Variants in FBXW7 observed in about 807,000 individuals in gnomAD.
FBXW7 encodes F-box and WD repeat domain containing 7.
In FBXW7, 11 loss-of-function variants were observed where a neutral mutation model predicts 86.3. The ratio of observed to expected loss-of-function variants is 0.13; its 90% CI spans 0.08 to 0.21. FBXW7 has a LOEUF of 0.21. FBXW7 is among the 10% of genes least tolerant of loss of function. The pLI, the probability that FBXW7 is intolerant of heterozygous loss-of-function variation, is 1.00. For missense variants in FBXW7, 488 were observed against 847.4 expected (o/e 0.58, Z 5.27); for synonymous variants, 313 against 297.9 (o/e 1.05, Z -0.52).
intron 4 of FBXW7, among the ~76,000 whole-genome samples, chr4:152,401,196 C>T (rs1056561277): frequency 7.9e-5 from 12 of 152,300 alleles, no homozygotes; most frequent in African/African-American, 2.6e-4. Context: ...TTGGCATTTA[C>T]GCAAAGGAGT....
chr4:152,376,498 T>G (rs555063754), intron 4 of FBXW7, among the ~76,000 whole-genome samples: 1 of 152,246 alleles, frequency 6.6e-6, no homozygotes, highest in South Asian at 2.1e-4. Context: ...TATAATAGAT[T>G]AAAATTATAC....
At chr4:152,342,832 C>T (rs148490841) in intron 6 of FBXW7, among the ~76,000 whole-genome samples, 4 of 152,202 alleles carry the variant, frequency 2.6e-5, no homozygotes, top group Non-Finnish European at 5.9e-5. Context: ...ATACAAAAGT[C>T]GTTAAAATGT....
At chr4:152,361,266 G>GC (rs1406735942) in intron 4 of FBXW7, among the ~76,000 whole-genome samples, 1 of 151,754 alleles carries the variant, frequency 6.6e-6, no homozygotes. Flanking sequence ...TAGTAATCAG[G>GC]CCCCCACTAC....
chr4:152,367,962 T>A (rs1325831023), intron 4 of FBXW7, among the ~76,000 whole-genome samples: 2 of 151,920 alleles, frequency 1.3e-5, no homozygotes, highest in Non-Finnish European at 2.9e-5. Flanking sequence ...GGAGGTATGG[T>A]TTGCCATTTA....
rs746293581 is a variant in FBXW7, at chr4:152,324,443, T to C, written c.1645-49A>G. On this transcript the variant is annotated intron_variant, in intron 12 of 13. Transcript: ENST00000281708. ...AATAGAAGTATGGATACTCTTCCTATCAATTACTGACCTTAATCCTAGTAG... is the reference window on the plus strand; with the variant it reads ...AATAGAAGTATGGATACTCTTCCTACCAATTACTGACCTTAATCCTAGTAG... 8 of 1,425,468 alleles carry C rather than the reference T, an allele frequency of 5.6e-6. No homozygotes were observed. The African/African-American group carries it at 1.1e-4, about 20-fold the overall frequency. The allele number at this position is 1,425,468 out of a possible 1,614,324, so 88.3% of individuals were successfully genotyped here.
Position 152,482,410 on chromosome 4 carries a change from A to C in FBXW7, c.-120+52531T>G, listed in dbSNP as rs57953817. ...GTTTTATTGTGATGGTCTGGAACCGAATCCACAACATCTCCAAGATATGCC... is the reference window on the plus strand; with the variant it reads ...GTTTTATTGTGATGGTCTGGAACCGCATCCACAACATCTCCAAGATATGCC... On this transcript the variant is annotated intron_variant, in intron 2 of 13. Coordinates refer to ENST00000281708, the MANE Select transcript of FBXW7 (RefSeq NM_001349798.2). 8.9e-3 allele frequency among the ~76,000 whole-genome samples: 1,360 copies of C among 152,300 alleles called. 17 individuals are homozygous for C. Among genetic ancestry groups the C allele is most frequent in the East Asian group, 0.043 (221 of 5,196 alleles).
At chr4:152,382,102 C>T (rs1735129128) in intron 4 of FBXW7, 1 of 884,516 alleles carries the variant, frequency 1.1e-6, no homozygotes, top group Admixed American at 2.8e-5. Flanking sequence ...TAAATAAAAA[C>T]TGAAATTTGA....
chr4:152,445,166 A>G (rs373298114), intron 2 of FBXW7, among the ~76,000 whole-genome samples: 8 of 152,322 alleles, frequency 5.3e-5, no homozygotes, highest in African/African-American at 1.2e-4. Context: ...AATAGTACAA[A>G]TATGCTTTAT....
chr4:152,337,744 G>A (rs2126581733), intron 7 of FBXW7, 58 bp downstream of exon 7: 1 of 1,505,042 alleles, frequency 6.6e-7, no homozygotes. Flanking sequence ...AAAGGTGGTA[G>A]CTGTTGAGTT....
At chr4:152,361,507 G>GTA (rs1169969437) in intron 4 of FBXW7, among the ~76,000 whole-genome samples, 1 of 152,154 alleles carries the variant, frequency 6.6e-6, no homozygotes, top group African/African-American at 2.4e-5. Flanking sequence ...GTATCTGAAT[G>GTA]TATATTTGTC....
intron 2 of FBXW7, among the ~76,000 whole-genome samples, chr4:152,493,300 G>A (rs193245028): frequency 2.8e-4 from 43 of 151,990 alleles, no homozygotes; most frequent in South Asian, 1.2e-3. Flanking sequence ...GAGTAGCTGC[G>A]ATTACAGACA....
intron 2 of FBXW7, among the ~76,000 whole-genome samples, chr4:152,498,448 C>G (rs1219330042): frequency 1.3e-5 from 2 of 152,214 alleles, no homozygotes; most frequent in Admixed American, 6.5e-5. Flanking sequence ...TTTATTATCT[C>G]AGCTCATTCA....
At chr4:152,347,701 A>G (rs1304260727) in intron 5 of FBXW7, among the ~76,000 whole-genome samples, 1 of 152,148 alleles carries the variant, frequency 6.6e-6, no homozygotes, top group East Asian at 1.9e-4. Context: ...ACTTATATGC[A>G]AAACTAAATA....
At position 152,535,994 on chromosome 4, in the gene FBXW7, T is replaced by A; in HGVS notation, c.-1080A>T. ...CTCTCGGATGCTCCTTCGCTCTCAG[T>A]CTCAGCGGCGGCGGCGGCGGCAGCG... On this transcript the variant is annotated 5_prime_UTR_variant, in exon 1 of 14. Transcript: ENST00000281708. The A allele has an allele frequency of 4.1e-6, 1 of 244,216 alleles. No individual in the cohort carries two copies. Among genetic ancestry groups the A allele is most frequent in the Non-Finnish European group, 7.8e-6 (1 of 128,406 alleles). 15.1% of individuals were successfully genotyped at this position (244,216 alleles called of 1,614,324 possible).
rs541466347 is a variant in FBXW7 at position 152,490,272 on chromosome 4, G to A, written c.-120+44669C>T. The stretch of plus-strand genomic sequence containing the variant: ...GAGATGGATGGTTGCAAAATATTGT[G>A]AATGTACTTGATGCCACTGAATTGT... On this transcript the variant is annotated intron_variant, in intron 2 of 13. Coordinates refer to ENST00000281708, the MANE Select transcript of FBXW7 (RefSeq NM_001349798.2). 4.6e-5 allele frequency among the ~76,000 whole-genome samples: 7 copies of A among 152,148 alleles called. No individual in the cohort carries two copies. In the South Asian group the frequency reaches 1.5e-3, roughly 32 times the overall value.
At chr4:152,493,241 T>C (rs1746028021) in intron 2 of FBXW7, among the ~76,000 whole-genome samples, 1 of 152,022 alleles carries the variant, frequency 6.6e-6, no homozygotes, top group Admixed American at 6.6e-5. Context: ...CTTGGCTCAC[T>C]GCAAACTCTG....
chr4:152,377,295 T>C (rs1270999972), intron 4 of FBXW7, among the ~76,000 whole-genome samples: 1 of 152,248 alleles, frequency 6.6e-6, no homozygotes, highest in Non-Finnish European at 1.5e-5. Flanking sequence ...AAAACTTACA[T>C]TGTTTCATTA....
intron 4 of FBXW7, among the ~76,000 whole-genome samples, chr4:152,385,039 A>G (rs1394000519): frequency 6.6e-6 from 1 of 152,046 alleles, no homozygotes; most frequent in African/African-American, 2.4e-5. Context: ...CCCTTTTGCT[A>G]AAGTAGGTCC....
chr4:152,432,852 G>A (rs1475975652), intron 2 of FBXW7, among the ~76,000 whole-genome samples: 2 of 152,054 alleles, frequency 1.3e-5, no homozygotes, highest in Non-Finnish European at 2.9e-5. Context: ...ACTCCATAAA[G>A]TTCCCTCTTT....
Sources: allele counts gnomAD v4.1 joint callset (sites outside exome capture counted in the v4.1 genomes callset), GRCh38; gene constraint gnomAD v4.1.1; transcripts MANE v1.5; gene names NCBI Gene and HGNC (gene_info 2026-07-23, HGNC 2026-07-21).